Variants in VRK2 observed in about 807,000 individuals in gnomAD.
VRK2 encodes the protein VRK serine/threonine kinase 2, also known as serine/threonine-protein kinase VRK2.
In VRK2, 60 loss-of-function variants were observed where a neutral mutation model predicts 57.6. That is an observed-to-expected ratio of 1.04 (90% CI 0.85 to 1.29). The LOEUF (loss-of-function observed/expected upper bound fraction) is 1.29, where lower values mean the gene tolerates loss of function less well. VRK2 is among the 50% of genes most tolerant of loss of function. The pLI is 0.00. For missense variants in VRK2, 705 were observed against 588.1 expected, an observed-to-expected ratio of 1.20 and a Z score of -2.06; for synonymous variants, 231 against 199.2, an observed-to-expected ratio of 1.16 and a Z score of -1.35.
chr2:58,001,187 T>C (rs943591452), intron 1 of VRK2, among the ~76,000 whole-genome samples: 1 of 152,238 alleles, frequency 6.6e-6, no homozygotes, highest in Non-Finnish European at 1.5e-5. Context: ...ATACATTTCA[T>C]ACTTTTTTCA....
chr2:58,096,420 T>A lies in VRK2; in HGVS notation c.543+6697T>A, dbSNP rs187828329. 7.0e-4 allele frequency among the ~76,000 whole-genome samples: 106 copies of A among 152,206 alleles called. 1 individual carries two copies. The East Asian group carries it at 0.018, about 26-fold the overall frequency. On this transcript the variant is annotated intron_variant, in intron 7 of 12. Coordinates refer to ENST00000340157, the MANE Select transcript of VRK2 (RefSeq NM_006296.7). Reference sequence around the variant, plus strand: ...GTGGTAGTTCTTTGTGATTCTCTACTTTTTTCAGAAATTGGTTCGATTCTT... The same window carrying A: ...GTGGTAGTTCTTTGTGATTCTCTACATTTTTCAGAAATTGGTTCGATTCTT...
chr2:58,085,238 T>G (rs1671454121), intron 4 of VRK2, among the ~76,000 whole-genome samples: 1 of 151,898 alleles, frequency 6.6e-6, no homozygotes, highest in Non-Finnish European at 1.5e-5. Flanking sequence ...GTGTAAAAGA[T>G]AGTAGAATGA....
rs1669017546 is a variant in VRK2, at chr2:58,068,997, A to T, written c.137-15092A>T. Among the ~76,000 whole-genome samples the T allele has an allele frequency of 2.6e-5, 4 of 152,134 alleles. No homozygotes were observed. The South Asian group carries it at 8.3e-4, about 31-fold the overall frequency. ...GCTTTAAAGTCTGTCAGATAATTTCAACATCCCTGTCATTTTGTCATTATT... is the reference window on the plus strand; with the variant it reads ...GCTTTAAAGTCTGTCAGATAATTTCTACATCCCTGTCATTTTGTCATTATT... On this transcript the variant is annotated intron_variant, in intron 2 of 12. Transcript: ENST00000340157.
rs1160205374 is a variant in VRK2, at chr2:57,999,255, T to TC, written c.-438-26409dup. 4.6e-5 allele frequency among the ~76,000 whole-genome samples: 7 copies of TC among 152,360 alleles called. No homozygotes were observed. The East Asian group carries it at 1.3e-3, about 29-fold the overall frequency. On this transcript the variant is annotated intron_variant, in intron 1 of 15. Coordinates refer to the VRK2 transcript ENST00000417641. The stretch of plus-strand genomic sequence containing the variant: ...AGTATTTCAGGCCATATAATGCACT[T>TC]CTTTTGTGTGTTTTAAACAATCAAA...
chr2:58,071,480 G>C (rs1339164147), intron 2 of VRK2, among the ~76,000 whole-genome samples: 1 of 152,054 alleles, frequency 6.6e-6, no homozygotes, highest in African/African-American at 2.4e-5. Context: ...TTTTATGAAA[G>C]ATCAGTGTCT....
At chr2:58,005,671 G>A (rs1024160141) in intron 1 of VRK2, among the ~76,000 whole-genome samples, 4 of 152,168 alleles carry the variant, frequency 2.6e-5, no homozygotes, top group Non-Finnish European at 4.4e-5. Flanking sequence ...GAGAGGGTCA[G>A]TAAAAACATT....
intron 1 of VRK2, among the ~76,000 whole-genome samples, chr2:58,009,705 CA>C (rs1193112252): frequency 6.6e-6 from 1 of 151,628 alleles, no homozygotes; most frequent in Non-Finnish European, 1.5e-5. Context: ...TTTATTCATA[CA>C]GCTCATATTT....
intron 6 of VRK2, 93 bp from the exon 7 acceptor site, chr2:58,089,538 G>GA (rs1464068997): frequency 7.1e-6 from 5 of 699,438 alleles, no homozygotes; most frequent in South Asian, 3.1e-5. Context: ...ATGTTAATAT[G>GA]AAAAAACCCA....
At position 58,148,120 on chromosome 2, in the gene VRK2, T is replaced by C. The variant is rs190518745; in HGVS notation, c.1182+1646T>C. 5.9e-5 allele frequency among the ~76,000 whole-genome samples: 9 copies of C among 152,008 alleles called. 1 individual carries two copies. The East Asian group carries it at 1.5e-3, about 26-fold the overall frequency. ...TTTATAAAGAGCTGACAAATAGTTC[T>C]TGAAAGTACCATTCTGTACTCCCAC... On this transcript the variant is annotated intron_variant, in intron 12 of 12. Coordinates refer to ENST00000340157, the MANE Select transcript of VRK2 (RefSeq NM_006296.7).
In VRK2 at chr2:58,080,190, T is replaced by C. The variant is rs567748324; in HGVS notation, c.137-3899T>C. 9.2e-5 allele frequency among the ~76,000 whole-genome samples: 14 copies of C among 152,112 alleles called. 1 individual carries two copies. In the South Asian group the frequency reaches 2.9e-3, roughly 32 times the overall value. Reference sequence around the variant, plus strand: ...ACTAGTTTTTATATGATATTTTTAGTATTCAGTCCTATCTATTTTCTGATT... The same window carrying C: ...ACTAGTTTTTATATGATATTTTTAGCATTCAGTCCTATCTATTTTCTGATT... On this transcript the variant is annotated intron_variant, in intron 2 of 12. Transcript: ENST00000340157.
In VRK2 at chr2:58,021,897, C is replaced by T. The variant is rs116456809; in HGVS notation, c.-438-3768C>T. 6.9e-3 allele frequency among the ~76,000 whole-genome samples: 1,044 copies of T among 152,234 alleles called. 11 individuals carry two copies. Among genetic ancestry groups the T allele is most frequent in the African/African-American group, 0.024 (985 of 41,534 alleles). On this transcript the variant is annotated intron_variant, in intron 1 of 15. Coordinates refer to the VRK2 transcript ENST00000417641. ...CCTGACTTTTAAACACTGTTTCTTC[C>T]TTTTGTCTCAACCATCAAAAGTGTT...
chr2:57,979,840 T>C (rs991468465), intron 1 of VRK2, among the ~76,000 whole-genome samples: 1 of 152,174 alleles, frequency 6.6e-6, no homozygotes, highest in East Asian at 1.9e-4. Flanking sequence ...GTGTTCATAA[T>C]AGTCTCTGAG....
chr2:57,997,425 G>A (rs1672958932), intron 1 of VRK2, among the ~76,000 whole-genome samples: 1 of 152,028 alleles, frequency 6.6e-6, no homozygotes, highest in African/African-American at 2.4e-5. Flanking sequence ...AAGAAACACA[G>A]GGAAACTACT....
Position 58,139,703 on chromosome 2 carries a change from A to C in VRK2, c.894A>C (p.Leu298Phe). ...AATTTTTGGTATGTGCTCATAGTTTAGCATATGATGAAAAGCCAAACTATC... is the reference window on the plus strand; with the variant it reads ...AATTTTTGGTATGTGCTCATAGTTTCGCATATGATGAAAAGCCAAACTATC... ...IAQFLVCAHS[L>F]AYDEKPNYQA... Residue 298 changes from leucine to phenylalanine, a missense_variant, in exon 11 of 13, where the codon TTA becomes TTC. Coordinates refer to ENST00000340157, the MANE Select transcript of VRK2 (RefSeq NM_006296.7). The C allele has an allele frequency of 6.2e-7, 1 of 1,613,136 alleles. No homozygotes were observed. Among genetic ancestry groups the C allele is most frequent in the Non-Finnish European group, 8.5e-7 (1 of 1,179,350 alleles).
At chr2:57,909,057 T>A (rs979729427) in intron 1 of VRK2, among the ~76,000 whole-genome samples, 2 of 152,314 alleles carry the variant, frequency 1.3e-5, no homozygotes, top group East Asian at 3.9e-4. Context: ...TTTATTTCTG[T>A]GTCTGTTCTG....
chr2:58,106,320 C>G (rs60912631), intron 7 of VRK2, among the ~76,000 whole-genome samples: 3,798 of 152,086 alleles, frequency 0.025, 156 homozygotes, highest in African/African-American at 0.087. Context: ...CCCCAGAAGT[C>G]TGGAAAGCCT....
chr2:57,996,496 T>C (rs1672926265), intron 1 of VRK2, among the ~76,000 whole-genome samples: 1 of 152,194 alleles, frequency 6.6e-6, no homozygotes, highest in South Asian at 2.1e-4. Flanking sequence ...GTACTATAGG[T>C]ATTGGTCATA....
chr2:58,151,870 C>T (rs1018281209), intron 12 of VRK2, among the ~76,000 whole-genome samples: 6 of 147,328 alleles, frequency 4.1e-5, no homozygotes, highest in Non-Finnish European at 9.0e-5. Flanking sequence ...CATAGCCATA[C>T]TCATTCACTT....
Position 57,928,018 on chromosome 2 carries a change from T to A in VRK2, c.-439+20179T>A, listed in dbSNP as rs187957371. On this transcript the variant is annotated intron_variant, in intron 1 of 15. Coordinates refer to the VRK2 transcript ENST00000417641. Reference sequence around the variant, plus strand: ...TTAATTATTAAATGTCTTCTTTGGGTTAAATCTCCTTGGTGTTATATAACC... The same window carrying A: ...TTAATTATTAAATGTCTTCTTTGGGATAAATCTCCTTGGTGTTATATAACC... Among the ~76,000 whole-genome samples, 54 of 152,264 alleles carry A rather than the reference T, an allele frequency of 3.5e-4. No homozygotes were observed. The East Asian group carries it at 5.0e-3, about 14-fold the overall frequency.
Sources: gnomAD v4.1 joint callset for allele counts (sites outside exome capture counted in the v4.1 genomes callset) on GRCh38, gnomAD v4.1.1 for gene constraint, MANE v1.5 for transcripts, NCBI Gene and HGNC (gene_info 2026-07-23, HGNC 2026-07-21) for gene names.